The following GALNT14 variants were observed in gnomAD, a reference collection of about 807,000 sequenced individuals.
GALNT14 encodes polypeptide N-acetylgalactosaminyltransferase 14.
Under a neutral mutation model 77.5 loss-of-function variants are expected in GALNT14, and 60 were observed. The observed-to-expected ratio is 0.77, with a 90% CI of 0.63 to 0.96. GALNT14 has a LOEUF of 0.96. Among genes scored for constraint, GALNT14 ranks in the 40% least tolerant of loss-of-function variants. The pLI is 0.00. For synonymous variants in GALNT14, 280 were observed against 281.7 expected (o/e 0.99, Z 0.06); for missense variants, 710 against 731.0 (o/e 0.97, Z 0.33).
At chr2:30,888,930 A>T in the GALNT14 span, among the ~76,000 whole-genome samples, 3 of 120,738 alleles carry the variant, frequency 2.5e-5, no homozygotes, top group Admixed American at 2.9e-4. Flanking sequence ...CCCACCTCCC[A>T]ATTTTCCTAC....
At chr2:30,890,022 G>T in the GALNT14 span, among the ~76,000 whole-genome samples, 1 of 152,100 alleles carries the variant, frequency 6.6e-6, no homozygotes, top group Non-Finnish European at 1.5e-5. Context: ...AAAAAGAGGG[G>T]TGTAGAAGAA....
chr2:31,067,715 T>C (rs1452651258), intron 1 of GALNT14, among the ~76,000 whole-genome samples: 5 of 152,198 alleles, frequency 3.3e-5, no homozygotes, highest in African/African-American at 9.7e-5. Flanking sequence ...GTCACTTCCA[T>C]ACAGCGCTCT....
intron 13 of GALNT14, among the ~76,000 whole-genome samples, chr2:30,916,991 T>C (rs1245939145): frequency 6.9e-6 from 1 of 145,680 alleles, no homozygotes; most frequent in Non-Finnish European, 1.5e-5. Context: ...GAAGGAGAAT[T>C]GCTGGAGCCT....
At chr2:30,893,188 G>A in the GALNT14 span, among the ~76,000 whole-genome samples, 2 of 152,240 alleles carry the variant, frequency 1.3e-5, no homozygotes, top group Admixed American at 6.5e-5. Flanking sequence ...AAAATTCCTA[G>A]GATGTTTACT....
chr2:30,906,128 C>A (rs1176976580), downstream of GALNT14, among the ~76,000 whole-genome samples: 3 of 149,534 alleles, frequency 2.0e-5, no homozygotes, highest in Admixed American at 2.0e-4. Context: ...TAAAGACCAT[C>A]GAGACTAGGA....
chr2:31,098,078 T>C (rs1351045357), intron 1 of GALNT14, among the ~76,000 whole-genome samples: 1 of 152,170 alleles, frequency 6.6e-6, no homozygotes, highest in East Asian at 1.9e-4. Flanking sequence ...TCAATCACAT[T>C]CTACGTCTCT....
At chr2:30,955,398 C>T (rs1339318112) in intron 6 of GALNT14, among the ~76,000 whole-genome samples, 1 of 152,224 alleles carries the variant, frequency 6.6e-6, no homozygotes, top group East Asian at 1.9e-4. Context: ...GTGACAGTCC[C>T]AGTCACAACA....
At chr2:31,108,852 G>T (rs565979778) in intron 1 of GALNT14, among the ~76,000 whole-genome samples, 105 of 152,336 alleles carry the variant, frequency 6.9e-4, no homozygotes, top group African/African-American at 2.3e-3. Flanking sequence ...GGCAAGCACA[G>T]CACAGGTTGG....
intron 2 of GALNT14, chr2:30,987,048 G>T (rs1318165337): frequency 2.6e-5 from 4 of 152,228 alleles, no homozygotes; most frequent in African/African-American, 9.7e-5. Flanking sequence ...AAGCTTCGAG[G>T]TTAGCCAGTC....
chr2:31,012,761 C>T (rs900426991), intron 1 of GALNT14, among the ~76,000 whole-genome samples: 2 of 151,882 alleles, frequency 1.3e-5, no homozygotes, highest in Non-Finnish European at 1.5e-5. Flanking sequence ...AAATGGAACA[C>T]AGTATGAAAA....
intron 6 of GALNT14, among the ~76,000 whole-genome samples, chr2:30,946,935 G>A (rs1309649589): frequency 6.6e-6 from 1 of 152,188 alleles, no homozygotes; most frequent in South Asian, 2.1e-4. Flanking sequence ...TTCAAAGGTT[G>A]ACTTCACTGT....
intron 1 of GALNT14, among the ~76,000 whole-genome samples, chr2:31,047,844 G>T (rs1447392267): frequency 6.6e-6 from 1 of 152,204 alleles, no homozygotes; most frequent in Non-Finnish European, 1.5e-5. Flanking sequence ...GGCTGGGATG[G>T]AGTCTTCTTC....
rs1679314539 is a variant in GALNT14, at chr2:31,138,149, G to C, written c.-63C>G. On this transcript the variant is annotated 5_prime_UTR_variant, in exon 1 of 15. Coordinates refer to ENST00000349752, the MANE Select transcript of GALNT14 (RefSeq NM_024572.4). ...CCGGGGGCACCCCCCGGCGGTCAGG[G>C]TTGGCGGGGCAGGAGTCCTGGCGAG... is the stretch of plus-strand genomic sequence containing the variant. 6.2e-7 allele frequency: 1 copy of C among 1,609,684 alleles called. No individual in the cohort carries two copies. Among genetic ancestry groups the C allele is most frequent in the South Asian group, 1.1e-5 (1 of 90,822 alleles).
At chr2:30,963,120 G>A (rs1184593071) in intron 3 of GALNT14, among the ~76,000 whole-genome samples, 3 of 152,130 alleles carry the variant, frequency 2.0e-5, no homozygotes, top group Admixed American at 2.0e-4. Context: ...AAGTTCCTAG[G>A]AGGCAGGAAA....
the GALNT14 span, among the ~76,000 whole-genome samples, chr2:30,898,809 G>T: frequency 1.3e-3 from 198 of 152,264 alleles, no homozygotes; most frequent in African/African-American, 3.5e-3. Flanking sequence ...AAGGGAAGGG[G>T]AATCGAGAGG....
chr2:30,922,274 C>T (rs943788121), intron 13 of GALNT14, among the ~76,000 whole-genome samples: 6 of 152,158 alleles, frequency 3.9e-5, no homozygotes, highest in African/African-American at 7.2e-5. Flanking sequence ...ATTCCCAACC[C>T]TCTCCTGAGA....
intron 1 of GALNT14, among the ~76,000 whole-genome samples, chr2:31,133,999 C>T (rs1679105702): frequency 6.6e-6 from 1 of 152,090 alleles, no homozygotes; most frequent in Admixed American, 6.5e-5. Context: ...TGTAGCATGC[C>T]TTCTTCACTT....
intron 1 of GALNT14, among the ~76,000 whole-genome samples, chr2:31,018,992 G>A (rs1437026214): frequency 2.6e-5 from 4 of 152,104 alleles, no homozygotes; most frequent in South Asian, 4.2e-4. Context: ...GGCCGGTGAT[G>A]GGGACTCAGT....
chr2:30,990,931 C>G (rs773817352), intron 2 of GALNT14, among the ~76,000 whole-genome samples: 3 of 152,198 alleles, frequency 2.0e-5, no homozygotes, highest in Non-Finnish European at 4.4e-5. Flanking sequence ...ATCACACTTT[C>G]TTAACAGACG....
Sources: gnomAD v4.1 joint callset for allele counts (sites outside exome capture counted in the v4.1 genomes callset) on GRCh38, gnomAD v4.1.1 for gene constraint, MANE v1.5 for transcripts, NCBI Gene and HGNC (gene_info 2026-07-23, HGNC 2026-07-21) for gene names.